Variants in GDAP1L1 observed in about 807,000 individuals in gnomAD.
The protein encoded by GDAP1L1 is ganglioside induced differentiation associated protein 1 like 1.
A neutral mutation model predicts 37.1 loss-of-function variants in GDAP1L1; 21 were observed. The observed-to-expected ratio is 0.57, with a 90% CI of 0.40 to 0.81. GDAP1L1 has a LOEUF of 0.81. Among genes scored for constraint, GDAP1L1 ranks in the 40% least tolerant of loss-of-function variants. The probability of loss-of-function intolerance (pLI) is 0.00; values close to 1 mark genes in which losing one functional copy is unlikely to be tolerated. For synonymous variants in GDAP1L1, 193 were observed against 209.1 expected, an observed-to-expected ratio of 0.92 and a Z score of 0.67; for missense variants, 362 against 491.6, an observed-to-expected ratio of 0.74 and a Z score of 2.49.
rs1256211534 is a variant in GDAP1L1, at chr20:44,280,822, C to T, written c.*1522C>T. On this transcript the variant is annotated 3_prime_UTR_variant, in exon 6 of 6. Coordinates refer to ENST00000342560, the MANE Select transcript of GDAP1L1 (RefSeq NM_024034.6). ...TCAGGGGGCACCCAGGGCACATGCCCCCCACCCCAATTTCCCAGAGGGAAA... is the reference window on the plus strand; with the variant it reads ...TCAGGGGGCACCCAGGGCACATGCCTCCCACCCCAATTTCCCAGAGGGAAA... The T allele has an allele frequency of 2.0e-5, 3 of 152,170 alleles. No individual in the cohort carries two copies. Among genetic ancestry groups the T allele is most frequent in the African/African-American group, 7.2e-5 (3 of 41,430 alleles). 9.4% of individuals were successfully genotyped at this position (152,170 alleles called of 1,614,324 possible).
rs1378183386 is a variant in GDAP1L1 at position 44,279,808 on chromosome 20, G to A, written c.*508G>A. On this transcript the variant is annotated 3_prime_UTR_variant, in exon 6 of 6. Coordinates refer to ENST00000342560, the MANE Select transcript of GDAP1L1 (RefSeq NM_024034.6). ...GGGGCTGGATAACCGGAGACCCCAT[G>A]GGAGGTCCCTGAAGATCAGAAGGGG... 2 of 471,174 alleles carry A rather than the reference G, an allele frequency of 4.2e-6. No individual in the cohort carries two copies. The highest frequency in any genetic ancestry group is 2.4e-5 in the Admixed American group (1 of 42,528). 29.2% of individuals were successfully genotyped at this position (471,174 alleles called of 1,614,324 possible).
intron 1 of GDAP1L1, among the ~76,000 whole-genome samples, chr20:44,252,291 C>T (rs967240932): frequency 1.3e-5 from 2 of 152,204 alleles, no homozygotes; most frequent in African/African-American, 4.8e-5. Flanking sequence ...GTGGGTGGAT[C>T]ACCTGAGGTC....
At chr20:44,263,036 G>A (rs2073700667) in intron 3 of GDAP1L1, among the ~76,000 whole-genome samples, 194 bp from the exon 4 acceptor site, 1 of 152,100 alleles carries the variant, frequency 6.6e-6, no homozygotes, top group African/African-American at 2.4e-5. Context: ...TCTCCCACCA[G>A]CCTGAGCTCA....
chr20:44,266,663 G>A (rs1288368534), intron 5 of GDAP1L1, among the ~76,000 whole-genome samples: 1 of 152,086 alleles, frequency 6.6e-6, no homozygotes, highest in Non-Finnish European at 1.5e-5. Context: ...GCTTGTAAGT[G>A]GCTGCCTTCT....
At chr20:44,262,013 G>A (rs937018243) in intron 3 of GDAP1L1, among the ~76,000 whole-genome samples, 1 of 152,200 alleles carries the variant, frequency 6.6e-6, no homozygotes, top group African/African-American at 2.4e-5. Flanking sequence ...GAACAGTTGG[G>A]AAAACTCAGT....
At chr20:44,252,804 C>A (rs1340125041) in intron 1 of GDAP1L1, among the ~76,000 whole-genome samples, 4 of 147,844 alleles carry the variant, frequency 2.7e-5, no homozygotes, top group African/African-American at 1.0e-4. Flanking sequence ...GCCTGGACAA[C>A]TGAGTGAGAC....
At chr20:44,257,369 G>C in intron 2 of GDAP1L1, 24 bp downstream of exon 2, 1 of 1,603,074 alleles carries the variant, frequency 6.2e-7, no homozygotes, top group Non-Finnish European at 8.5e-7. Context: ...CCCACCCAGG[G>C]GCCCACTCCA....
intron 4 of GDAP1L1, among the ~76,000 whole-genome samples, chr20:44,264,118 G>C (rs997020300): frequency 2.0e-5 from 3 of 152,212 alleles, no homozygotes; most frequent in Non-Finnish European, 4.4e-5. Context: ...GTTGGAGGGA[G>C]GGGTGCGGGC....
At chr20:44,252,522 C>T (rs910574352) in intron 1 of GDAP1L1, among the ~76,000 whole-genome samples, 1 of 152,214 alleles carries the variant, frequency 6.6e-6, no homozygotes. Context: ...CACCTGTGAT[C>T]CCAGCTACTC....
At chr20:44,277,907 ACTT>A (rs2146066695) in intron 5 of GDAP1L1, among the ~76,000 whole-genome samples, 1 of 152,258 alleles carries the variant, frequency 6.6e-6, no homozygotes, top group African/African-American at 2.4e-5. Flanking sequence ...TAATCCCAGC[ACTT>A]TGGGAGACCG....
At chr20:44,274,508 G>A (rs908644814) in intron 5 of GDAP1L1, among the ~76,000 whole-genome samples, 7 of 152,096 alleles carry the variant, frequency 4.6e-5, no homozygotes, top group African/African-American at 1.7e-4. Context: ...TCGCCAGTCG[G>A]TAAACGCAGT....
chr20:44,266,898 G>A (rs973919664), intron 5 of GDAP1L1, among the ~76,000 whole-genome samples: 5 of 152,176 alleles, frequency 3.3e-5, no homozygotes, highest in African/African-American at 7.2e-5. Context: ...TGGAAGAAGA[G>A]TAACTGTCCT....
At chr20:44,266,205 G>A (rs2073759424) in intron 5 of GDAP1L1, among the ~76,000 whole-genome samples, 1 of 152,140 alleles carries the variant, frequency 6.6e-6, no homozygotes, top group South Asian at 2.1e-4. Flanking sequence ...CTACTCGAGA[G>A]GCTGAGGCAG....
chr20:44,270,194 G>A (rs1216309441), intron 5 of GDAP1L1, among the ~76,000 whole-genome samples: 15 of 124,380 alleles, frequency 1.2e-4, no homozygotes, highest in East Asian at 2.4e-4. Flanking sequence ...TTTTTGAGAC[G>A]GAGTCTCGCT....
At chr20:44,273,030 G>A (rs971150051) in intron 5 of GDAP1L1, among the ~76,000 whole-genome samples, 11 of 152,312 alleles carry the variant, frequency 7.2e-5, no homozygotes, top group Non-Finnish European at 1.3e-4. Flanking sequence ...CTGAGTTGAC[G>A]TGGAGATACC....
rs182959913 is a variant in GDAP1L1, at chr20:44,274,513, C to T, written c.761-4444C>T. On this transcript the variant is annotated intron_variant, in intron 5 of 5. Transcript: ENST00000342560. ...CTTGCCAGGGTCGCCAGTCGGTAAA[C>T]GCAGTCACCAGTTCTCAGGCCTCCT... is the stretch of plus-strand genomic sequence containing the variant. 3.5e-4 allele frequency among the ~76,000 whole-genome samples: 54 copies of T among 152,280 alleles called. No homozygotes were observed. In the East Asian group the frequency reaches 4.0e-3, roughly 11 times the overall value.
chr20:44,270,700 G>A (rs6017308), intron 5 of GDAP1L1, among the ~76,000 whole-genome samples: 21,522 of 152,128 alleles, frequency 0.14, 1,765 homozygotes, highest in Non-Finnish European at 0.19. Context: ...GCTGGCTGTC[G>A]GCAGGAGACT....
intron 5 of GDAP1L1, 127 bp downstream of exon 5, chr20:44,264,686 A>T: frequency 6.7e-7 from 1 of 1,495,634 alleles, no homozygotes; most frequent in East Asian, 2.7e-5. Context: ...AGGATGGGCT[A>T]TGGAGTCAGA....
intron 1 of GDAP1L1, among the ~76,000 whole-genome samples, chr20:44,249,925 A>C (rs934632145): frequency 1.3e-5 from 2 of 152,166 alleles, no homozygotes; most frequent in East Asian, 3.9e-4. Context: ...CAATGTCCCT[A>C]TCTGGAAAAG....
Sources: gnomAD v4.1 joint callset for allele counts (sites outside exome capture counted in the v4.1 genomes callset) on GRCh38, gnomAD v4.1.1 for gene constraint, MANE v1.5 for transcripts, NCBI Gene and HGNC (gene_info 2026-07-23, HGNC 2026-07-21) for gene names.